PAIP2: variants seen among roughly 807,000 people sequenced by gnomAD.
PAIP2 encodes polyadenylate-binding protein-interacting protein 2.
Under a neutral mutation model 14.8 loss-of-function variants are expected in PAIP2, and 7 were observed. The observed-to-expected ratio is 0.47, with a 90% CI of 0.27 to 0.89. PAIP2 has a LOEUF of 0.89. Among genes scored for constraint, PAIP2 ranks in the 40% least tolerant of loss-of-function variants. PAIP2 has a pLI of 0.13. For missense variants in PAIP2, 122 were observed against 154.7 expected (o/e 0.79, Z 1.12); for synonymous variants, 47 against 45.3 (o/e 1.04, Z -0.15).
At position 139,364,735 on chromosome 5, in the gene PAIP2, G is replaced by A; in HGVS notation, c.310G>A (p.Asp104Asn). Residue 104 changes from aspartate to asparagine, a missense_variant, in exon 3 of 4, where the codon GAT becomes AAT. By Grantham distance (23) the Asp-to-Asn change is conservative. Around this residue, in one of 3 missense-constraint regions of PAIP2, gnomAD observed 46 missense variants for 44.0 expected, o/e 1.05. Coordinates refer to ENST00000265192, the MANE Select transcript of PAIP2 (RefSeq NM_016480.5). ...TATCAGTGATGGCTCTTCTCTGGAA[G>A]ATCTTGTGGTAAAAAGTTATTTTTC... ...LVISDGSSLE[D>N]LVVKSNLNPN... 1 of 1,595,494 alleles carries A rather than the reference G, an allele frequency of 6.3e-7. No homozygotes were observed. The highest frequency in any genetic ancestry group is 1.3e-5 in the African/African-American group (1 of 74,310).
At chr5:139,346,862 C>G (rs1414201739) in intron 1 of PAIP2, among the ~76,000 whole-genome samples, 1 of 144,938 alleles carries the variant, frequency 6.9e-6, no homozygotes, top group Admixed American at 6.9e-5. Context: ...GTTGCTCAGG[C>G]TGGAATGCAC....
At position 139,363,871 on chromosome 5, in the gene PAIP2, T is replaced by C; in HGVS notation, c.87T>C (p.Asn29=). The change falls in exon 2 of 4, where the codon AAT becomes AAC. Residue 29 remains asparagine, a synonymous_variant. Transcript: ENST00000265192. ...ACGGTCATTCTCATGAAGATGACAATCCATTTGCAGAGTACATGTGGATGG... is the reference window on the plus strand; with the variant it reads ...ACGGTCATTCTCATGAAGATGACAACCCATTTGCAGAGTACATGTGGATGG... The part of the protein sequence containing the change: ...IINGHSHEDD[N]PFAEYMWMEN... The C allele has an allele frequency of 1.2e-6, 2 of 1,613,936 alleles. No homozygotes were observed. Among genetic ancestry groups the C allele is most frequent in the African/African-American group, 2.7e-5 (2 of 75,044 alleles).
chr5:139,354,709 T>C (rs1399704381), intron 1 of PAIP2, among the ~76,000 whole-genome samples: 1 of 152,214 alleles, frequency 6.6e-6, no homozygotes, highest in East Asian at 1.9e-4. Flanking sequence ...CTCATTCTGC[T>C]TCTCAGACTG....
intron 1 of PAIP2, chr5:139,342,852 A>G (rs1478269332): frequency 1.3e-5 from 2 of 151,946 alleles, no homozygotes; most frequent in East Asian, 1.9e-4. Flanking sequence ...TTTTTCCCTG[A>G]TTTGGCACCC....
chr5:139,347,539 G>A (rs895032371), intron 1 of PAIP2, among the ~76,000 whole-genome samples: 2 of 152,018 alleles, frequency 1.3e-5, no homozygotes, highest in African/African-American at 4.8e-5. Flanking sequence ...CTCCCAAAGT[G>A]GTGGGATTAC....
At chr5:139,351,240 T>G (rs1756722083) in intron 1 of PAIP2, among the ~76,000 whole-genome samples, 1 of 151,990 alleles carries the variant, frequency 6.6e-6, no homozygotes, top group South Asian at 2.1e-4. Flanking sequence ...ACAGTTAAAA[T>G]GCAATGGCCC....
chr5:139,365,405 G>A (rs957856642), intron 3 of PAIP2, among the ~76,000 whole-genome samples: 3 of 151,522 alleles, frequency 2.0e-5, no homozygotes, highest in Non-Finnish European at 4.4e-5. Flanking sequence ...CAGGAGAATT[G>A]CTTGAATCTG....
chr5:139,346,023 A>G (rs180828273), intron 1 of PAIP2, among the ~76,000 whole-genome samples: 2 of 152,300 alleles, frequency 1.3e-5, no homozygotes, highest in East Asian at 1.9e-4. Context: ...TCCATAGACA[A>G]TATAAAAGGA....
chr5:139,368,897 C>A lies in PAIP2; in HGVS notation c.*99C>A. The A allele has an allele frequency of 1.1e-6, 1 of 894,288 alleles. No homozygotes were observed. Among genetic ancestry groups the A allele is most frequent in the Non-Finnish European group, 1.8e-6 (1 of 559,806 alleles). 55.4% of individuals were successfully genotyped at this position (894,288 alleles called of 1,614,324 possible). A position where few individuals can be genotyped will look rare whatever the true frequency, so the allele number is the denominator to read the frequency against. ...TAAAAGCTCTCTTGTCACTGTGTTACACTTATGCATTGCCAAAGTTTTTGT... is the reference window on the plus strand; with the variant it reads ...TAAAAGCTCTCTTGTCACTGTGTTAAACTTATGCATTGCCAAAGTTTTTGT... On this transcript the variant is annotated 3_prime_UTR_variant, in exon 4 of 4. Coordinates refer to ENST00000265192, the MANE Select transcript of PAIP2 (RefSeq NM_016480.5).
intron 1 of PAIP2, among the ~76,000 whole-genome samples, chr5:139,350,277 G>C (rs1296900455): frequency 6.6e-6 from 1 of 151,872 alleles, no homozygotes; most frequent in Non-Finnish European, 1.5e-5. Context: ...ACCACTTTCA[G>C]AATTGACCAG....
intron 1 of PAIP2, among the ~76,000 whole-genome samples, chr5:139,342,215 T>G (rs911350929): frequency 1.3e-5 from 2 of 152,038 alleles, no homozygotes; most frequent in Non-Finnish European, 2.9e-5. Flanking sequence ...TTATTAATGA[T>G]TTGGATCTCG....
intron 1 of PAIP2, among the ~76,000 whole-genome samples, chr5:139,350,033 G>C (rs1756679304): frequency 6.6e-6 from 1 of 151,944 alleles, no homozygotes; most frequent in East Asian, 1.9e-4. Context: ...AAGTTAGCCA[G>C]GTGTGGTGGC....
intron 1 of PAIP2, among the ~76,000 whole-genome samples, chr5:139,361,846 T>C (rs1757074505): frequency 6.7e-6 from 1 of 149,604 alleles, no homozygotes; most frequent in Non-Finnish European, 1.5e-5. Context: ...CTCTGGAGGC[T>C]GAGGCAGGAG....
chr5:139,349,648 C>T (rs1402723958), intron 1 of PAIP2, among the ~76,000 whole-genome samples: 1 of 152,080 alleles, frequency 6.6e-6, no homozygotes. Flanking sequence ...TTTGAAAAAG[C>T]ATAAGAAAAG....
intron 1 of PAIP2, among the ~76,000 whole-genome samples, chr5:139,363,481 G>C (rs1757131421): frequency 6.6e-6 from 1 of 152,132 alleles, no homozygotes; most frequent in African/African-American, 2.4e-5. Flanking sequence ...AGCACTTTGA[G>C]AGGCTTGGGT....
chr5:139,347,924 C>T (rs1756604069), intron 1 of PAIP2, among the ~76,000 whole-genome samples: 1 of 152,122 alleles, frequency 6.6e-6, no homozygotes, highest in South Asian at 2.1e-4. Context: ...GTAATCCCAG[C>T]ACTTCGGGAG....
At chr5:139,352,124 AT>A (rs1756751915) in intron 1 of PAIP2, among the ~76,000 whole-genome samples, 1 of 151,626 alleles carries the variant, frequency 6.6e-6, no homozygotes, top group Non-Finnish European at 1.5e-5. Context: ...AAAATTTCAG[AT>A]TTGGGATTCT....
chr5:139,362,774 A>G (rs1158053378), intron 1 of PAIP2, among the ~76,000 whole-genome samples: 1 of 151,924 alleles, frequency 6.6e-6, no homozygotes, highest in Non-Finnish European at 1.5e-5. Context: ...TCCTGACCTT[A>G]AATGATCCAC....
At chr5:139,350,240 A>G (rs1030624475) in intron 1 of PAIP2, among the ~76,000 whole-genome samples, 2 of 151,988 alleles carry the variant, frequency 1.3e-5, no homozygotes, top group Admixed American at 6.6e-5. Flanking sequence ...CACATATTCT[A>G]TCTACTGTAG....
Sources: allele counts gnomAD v4.1 joint callset (sites outside exome capture counted in the v4.1 genomes callset), GRCh38; gene constraint gnomAD v4.1.1; regional missense constraint gnomAD v4.1.1; transcripts MANE v1.5; gene names NCBI Gene and HGNC (gene_info 2026-07-23, HGNC 2026-07-21).